ATXN7: variants seen among roughly 807,000 people sequenced by gnomAD.
ATXN7 encodes the protein ataxin-7.
A neutral mutation model predicts 70.5 loss-of-function variants in ATXN7; 12 were observed. The observed-to-expected ratio is 0.17, with a 90% CI of 0.11 to 0.28. ATXN7 has a LOEUF of 0.28. Among genes scored for constraint, ATXN7 ranks in the 10% least tolerant of loss-of-function variants. The pLI, the probability that ATXN7 is intolerant of heterozygous loss-of-function variation, is 1.00. For missense variants in ATXN7, 1,256 were observed against 1,131.7 expected, an observed-to-expected ratio of 1.11 and a Z score of -1.58; for synonymous variants, 498 against 448.7, an observed-to-expected ratio of 1.11 and a Z score of -1.39.
intron 4 of ATXN7, among the ~76,000 whole-genome samples, chr3:63,929,551 G>A (rs555800752): frequency 1.1e-4 from 17 of 152,130 alleles, no homozygotes; most frequent in African/African-American, 2.2e-4. Context: ...GATTACAGGC[G>A]TGAGCCACTG....
chr3:63,894,048 G>A (rs1230285700), intron 1 of ATXN7, among the ~76,000 whole-genome samples: 1 of 152,100 alleles, frequency 6.6e-6, no homozygotes, highest in Non-Finnish European at 1.5e-5. Flanking sequence ...TTGGGTGGTC[G>A]ATTTTCATTT....
At chr3:63,930,695 A>AT (rs1178603000) in intron 4 of ATXN7, among the ~76,000 whole-genome samples, 4 of 151,588 alleles carry the variant, frequency 2.6e-5, no homozygotes, top group South Asian at 2.1e-4. Context: ...CGCCCGGCTA[A>AT]TTTTTTTTGT....
At chr3:63,981,647 A>T (rs1165139250) in intron 6 of ATXN7, among the ~76,000 whole-genome samples, 1 of 152,222 alleles carries the variant, frequency 6.6e-6, no homozygotes, top group Non-Finnish European at 1.5e-5. Flanking sequence ...TATATTTATT[A>T]AACACTAGTC....
chr3:63,955,639 A>C (rs1479783076), intron 5 of ATXN7, among the ~76,000 whole-genome samples: 1 of 152,222 alleles, frequency 6.6e-6, no homozygotes, highest in Non-Finnish European at 1.5e-5. Context: ...CAGTTGTTGC[A>C]TTATTGTTTT....
At chr3:63,988,401 A>G (rs1013991457) in intron 9 of ATXN7, 77 bp downstream of exon 9, 2 of 1,563,002 alleles carry the variant, frequency 1.3e-6, no homozygotes, top group Non-Finnish European at 8.7e-7. Context: ...CAGTATGGTC[A>G]TGCTGTTGAG....
At chr3:63,905,515 C>T (rs1276018558) in intron 2 of ATXN7, 2 of 152,204 alleles carry the variant, frequency 1.3e-5, no homozygotes, top group African/African-American at 4.8e-5. Context: ...GGCCTTGGCT[C>T]TGTTTTTAAA....
In ATXN7 at chr3:63,997,502, T is replaced by A. The variant is rs76725006; in HGVS notation, c.2661+1019T>A. 7.4e-5 allele frequency: 57 copies of A among 774,282 alleles called. No individual in the cohort carries two copies. The East Asian group carries it at 1.5e-3, about 20-fold the overall frequency. 48.0% of individuals were successfully genotyped at this position (774,282 alleles called of 1,614,324 possible). On this transcript the variant is annotated intron_variant, in intron 12 of 12. Coordinates refer to ENST00000674280, the MANE Select transcript of ATXN7 (RefSeq NM_001377405.1). ...TTAACCATGACTTTCTCTCTTAGGC[T>A]GTATTTTTGTCTCGTCCCAGCTCTT... is the stretch of plus-strand genomic sequence containing the variant.
chr3:63,931,498 T>TC (rs1704959382), intron 4 of ATXN7, among the ~76,000 whole-genome samples: 2 of 152,222 alleles, frequency 1.3e-5, no homozygotes, highest in Admixed American at 6.5e-5. Context: ...AGAGGACACT[T>TC]CGGGACTTTC....
At chr3:63,946,333 G>C (rs1257744442) in intron 4 of ATXN7, among the ~76,000 whole-genome samples, 1 of 152,088 alleles carries the variant, frequency 6.6e-6, no homozygotes, top group African/African-American at 2.4e-5. Context: ...TGTAGGAGCT[G>C]TTCTGTCCAA....
At chr3:63,999,292 G>C in intron 12 of ATXN7, 158 bp from the exon 13 acceptor site, 1 of 633,116 alleles carries the variant, frequency 1.6e-6, no homozygotes, top group Non-Finnish European at 2.8e-6. Flanking sequence ...TGAAAGCTAA[G>C]AACAAAATCT....
intron 5 of ATXN7, among the ~76,000 whole-genome samples, chr3:63,954,655 TC>T (rs2075010246): frequency 6.6e-6 from 1 of 152,042 alleles, no homozygotes; most frequent in Non-Finnish European, 1.5e-5. Context: ...TTTTTAATCT[TC>T]TCATTTCCCT....
At chr3:63,896,520 G>A (rs1703454366) in intron 1 of ATXN7, among the ~76,000 whole-genome samples, 1 of 152,158 alleles carries the variant, frequency 6.6e-6, no homozygotes, top group African/African-American at 2.4e-5. Context: ...CACACCACTT[G>A]TTGGCTAGGT....
chr3:63,917,659 G>A (rs1704338429), intron 4 of ATXN7, among the ~76,000 whole-genome samples: 1 of 152,176 alleles, frequency 6.6e-6, no homozygotes, highest in African/African-American at 2.4e-5. Flanking sequence ...TTGAAACTCT[G>A]CATTATGTGA....
chr3:63,913,192 A>G lies in ATXN7; in HGVS notation c.361A>G (p.Lys121Glu), dbSNP rs1704127402. Residue 121 changes from lysine to glutamate, a missense_variant, in exon 4 of 13, where the codon AAA becomes GAA. Coordinates refer to ENST00000674280, the MANE Select transcript of ATXN7 (RefSeq NM_001377405.1). ...GGACGAAAGTTTCAAGGAGTTTGGG[A>G]AAAACCGCGAAGTCATGGGGCTCTG... ...ELDESFKEFGKNREVMGLCRE... is the reference protein window; with the variant it reads ...ELDESFKEFGENREVMGLCRE... 1.2e-6 allele frequency: 2 copies of G among 1,613,798 alleles called. No individual in the cohort carries two copies. The highest frequency in any genetic ancestry group is 4.5e-5 in the East Asian group (2 of 44,838).
chr3:63,982,158 C>T, intron 6 of ATXN7, 28 bp from the exon 7 acceptor site: 1 of 1,613,558 alleles, frequency 6.2e-7, no homozygotes, highest in Non-Finnish European at 8.5e-7. Context: ...CACTCAGGCA[C>T]TGGTTTTCTC....
chr3:63,990,876 C>T lies in ATXN7; in HGVS notation c.1682+17C>T, dbSNP rs750748338. The T allele has an allele frequency of 5.0e-6, 8 of 1,614,186 alleles. 1 individual carries two copies. The highest frequency in any genetic ancestry group is 3.3e-4 in the Middle Eastern group (2 of 6,062). ...GCTATGGAAGTGAGTGCCTGTTGTT[C>T]TTGGGAGAGGAGCTGACTTTACACA... On this transcript the variant is annotated intron_variant, in intron 11 of 12. Transcript: ENST00000674280.
chr3:63,936,164 C>T (rs1354862644), intron 4 of ATXN7, among the ~76,000 whole-genome samples: 2 of 152,174 alleles, frequency 1.3e-5, no homozygotes, highest in Admixed American at 6.5e-5. Context: ...GAACGTTAGT[C>T]GCTTTTCCCT....
rs536512204 is a variant in ATXN7 at position 63,916,633 on chromosome 3, A to C, written c.394+3408A>C. On this transcript the variant is annotated intron_variant, in intron 4 of 12. Coordinates refer to ENST00000674280, the MANE Select transcript of ATXN7 (RefSeq NM_001377405.1). Reference sequence around the variant, plus strand: ...GGTAGTAAACCTACCCAAGGCAAGAATACCCAAGGGTTAATGTTGTGGCAG... The same window carrying C: ...GGTAGTAAACCTACCCAAGGCAAGACTACCCAAGGGTTAATGTTGTGGCAG... Among the ~76,000 whole-genome samples the C allele has an allele frequency of 1.1e-4, 16 of 151,984 alleles. No individual in the cohort carries two copies. The South Asian group carries it at 3.5e-3, about 33-fold the overall frequency.
intron 1 of ATXN7, among the ~76,000 whole-genome samples, chr3:63,895,820 T>G (rs1229549698): frequency 6.6e-6 from 1 of 152,110 alleles, no homozygotes; most frequent in Non-Finnish European, 1.5e-5. Flanking sequence ...TCTCTCTTTC[T>G]TGTTTTTTCT....
Sources: allele counts gnomAD v4.1 joint callset (sites outside exome capture counted in the v4.1 genomes callset), GRCh38; gene constraint gnomAD v4.1.1; transcripts MANE v1.5; gene names NCBI Gene and HGNC (gene_info 2026-07-23, HGNC 2026-07-21).